CRB1: variants seen among roughly 807,000 people sequenced by gnomAD.
The protein encoded by CRB1 is crumbs cell polarity complex component 1.
In CRB1, 83 loss-of-function variants were observed where a neutral mutation model predicts 120.0. That is an observed-to-expected ratio of 0.69 (90% CI 0.58 to 0.83). The LOEUF (loss-of-function observed/expected upper bound fraction) is 0.83, where lower values mean the gene tolerates loss of function less well. CRB1 is among the 40% of genes least tolerant of loss of function. The pLI, the probability that CRB1 is intolerant of heterozygous loss-of-function variation, is 0.00. For synonymous variants in CRB1, 625 were observed against 612.5 expected (o/e 1.02, Z -0.30); for missense variants, 1,699 against 1,687.6 (o/e 1.01, Z -0.12).
Position 197,332,547 on chromosome 1 carries a change from G to A in CRB1, c.652+3544G>A, listed in dbSNP as rs1188238090. ...TATTATTAGCTGGTTAGGCTTGTTCGGGTAAAAAAAAAAATGCAGTCATAG... is the reference window on the plus strand; with the variant it reads ...TATTATTAGCTGGTTAGGCTTGTTCAGGTAAAAAAAAAAATGCAGTCATAG... On this transcript the variant is annotated intron_variant, in intron 2 of 11. Transcript: ENST00000367400. Among the ~76,000 whole-genome samples the A allele has an allele frequency of 5.9e-5, 9 of 151,800 alleles. No homozygotes were observed. The East Asian group carries it at 1.5e-3, about 26-fold the overall frequency.
intron 4 of CRB1, among the ~76,000 whole-genome samples, chr1:197,354,359 T>C (rs932238969): frequency 6.6e-6 from 1 of 152,220 alleles, no homozygotes; most frequent in East Asian, 1.9e-4. Flanking sequence ...AATTGGTGGG[T>C]TGTTGGTCTG....
chr1:197,263,932 T>C (rs572297318), upstream of CRB1, among the ~76,000 whole-genome samples: 2 of 152,332 alleles, frequency 1.3e-5, no homozygotes, highest in Non-Finnish European at 2.9e-5. Context: ...ATTTTTATCA[T>C]GTCTTGTTCT....
At chr1:197,225,108 C>T in the CRB1 span, among the ~76,000 whole-genome samples, 1 of 152,086 alleles carries the variant, frequency 6.6e-6, no homozygotes, top group African/African-American at 2.4e-5. Context: ...TTCTCCATTT[C>T]ACAGATGAAT....
At chr1:197,466,290 T>G (rs949996298) in intron 11 of CRB1, among the ~76,000 whole-genome samples, 2 of 152,212 alleles carry the variant, frequency 1.3e-5, no homozygotes, top group Non-Finnish European at 2.9e-5. Context: ...TAAATGGGAC[T>G]AGTGATTCAA....
At chr1:197,241,079 C>T in the CRB1 span, among the ~76,000 whole-genome samples, 11 of 152,076 alleles carry the variant, frequency 7.2e-5, no homozygotes, top group African/African-American at 2.7e-4. Context: ...TGTTTAAGCT[C>T]CTTGTAGATT....
chr1:197,373,202 T>TA (rs1229277114), intron 5 of CRB1, among the ~76,000 whole-genome samples: 1 of 152,158 alleles, frequency 6.6e-6, no homozygotes, highest in African/African-American at 2.4e-5. Context: ...TAGGTCACTT[T>TA]AAAAAATATT....
In CRB1 at chr1:197,336,559, A is replaced by G. The variant is rs574444963; in HGVS notation, c.652+7556A>G. The stretch of plus-strand genomic sequence containing the variant: ...CTTGTTCAGGCTTTTGCTCAGAACT[A>G]GAGTCATTTGAAGTAGTTTTTATGA... On this transcript the variant is annotated intron_variant, in intron 2 of 11. Transcript: ENST00000367400. Among the ~76,000 whole-genome samples, 18 of 152,356 alleles carry G rather than the reference A, an allele frequency of 1.2e-4. No individual in the cohort carries two copies. In the East Asian group the frequency reaches 3.3e-3, roughly 28 times the overall value.
intron 11 of CRB1, among the ~76,000 whole-genome samples, chr1:197,450,363 A>G (rs1049280065): frequency 6.6e-6 from 1 of 152,152 alleles, no homozygotes; most frequent in Non-Finnish European, 1.5e-5. Context: ...TTCCGGGGAA[A>G]ACATTGATGA....
intron 2 of CRB1, among the ~76,000 whole-genome samples, chr1:197,342,044 G>T (rs1034907582): frequency 2.0e-5 from 3 of 152,182 alleles, no homozygotes; most frequent in African/African-American, 7.2e-5. Context: ...CATATGACTA[G>T]CATGTAGAAT....
intron 1 of CRB1, among the ~76,000 whole-genome samples, chr1:197,314,528 TAA>T (rs1657732290): frequency 6.6e-6 from 1 of 152,224 alleles, no homozygotes; most frequent in East Asian, 1.9e-4. Context: ...AGGTTAGATC[TAA>T]TAATTTTTAT....
chr1:197,377,406 T>G (rs959335502), intron 5 of CRB1, among the ~76,000 whole-genome samples: 2 of 152,174 alleles, frequency 1.3e-5, no homozygotes, highest in African/African-American at 4.8e-5. Context: ...GAGAGAAATC[T>G]CAGGACTCTC....
At chr1:197,222,485 TG>T in the CRB1 span, 1 of 768,932 alleles carries the variant, frequency 1.3e-6, no homozygotes, top group Non-Finnish European at 2.4e-6. Context: ...CACCAGGCAG[TG>T]TCATTTCATA....
the CRB1 span, among the ~76,000 whole-genome samples, chr1:197,257,968 C>G: frequency 6.6e-6 from 1 of 152,114 alleles, no homozygotes; most frequent in Non-Finnish European, 1.5e-5. Flanking sequence ...TCAGCTGGAC[C>G]CTTTGCTCTG....
In CRB1 at chr1:197,434,868, G is replaced by T; in HGVS notation, c.3005G>T (p.Ser1002Ile). 1 of 1,613,814 alleles carries T rather than the reference G, an allele frequency of 6.2e-7. No individual in the cohort carries two copies. Among genetic ancestry groups the T allele is most frequent in the African/African-American group, 1.3e-5 (1 of 75,010 alleles). The change falls in exon 9 of 12, where the codon AGC (serine) becomes ATC (isoleucine). Residue 1002 changes from serine (S) to isoleucine (I), a missense_variant. Ser to Ile is a moderately radical substitution (Grantham distance 142). Coordinates refer to ENST00000367400, the MANE Select transcript of CRB1 (RefSeq NM_201253.3). The part of the protein sequence containing the change: ...AEKEPEFLNI[S>I]IQDSRLFFQL... ...AAAGAGCCTGAATTTCTTAATATTA[G>T]CATTCAAGATTCCAGATTATTCTTT...
intron 5 of CRB1, among the ~76,000 whole-genome samples, chr1:197,392,843 G>T (rs984922347): frequency 9.2e-5 from 14 of 152,074 alleles, no homozygotes; most frequent in Non-Finnish European, 1.6e-4. Flanking sequence ...AAATGAGAAA[G>T]TGTAACTGAA....
At chr1:197,309,254 C>T (rs976981732) in intron 1 of CRB1, among the ~76,000 whole-genome samples, 1 of 152,050 alleles carries the variant, frequency 6.6e-6, no homozygotes, top group African/African-American at 2.4e-5. Flanking sequence ...GTTCATTAGA[C>T]TACTGTGGTC....
chr1:197,321,475 G>T (rs934915216), intron 1 of CRB1, among the ~76,000 whole-genome samples: 14 of 152,150 alleles, frequency 9.2e-5, no homozygotes, highest in African/African-American at 3.1e-4. Context: ...CTTTGTTCAA[G>T]CATAGTGAGC....
At chr1:197,362,093 C>T (rs1312841475) in intron 5 of CRB1, among the ~76,000 whole-genome samples, 1 of 151,570 alleles carries the variant, frequency 6.6e-6, no homozygotes, top group Non-Finnish European at 1.5e-5. Context: ...CCTTTTTGAC[C>T]TATGGATGAT....
chr1:197,376,245 C>T (rs1057491150), intron 5 of CRB1, among the ~76,000 whole-genome samples: 1 of 152,112 alleles, frequency 6.6e-6, no homozygotes, highest in Non-Finnish European at 1.5e-5. Flanking sequence ...ATGTTTACAA[C>T]ATCTAAATTT....
Sources: allele counts gnomAD v4.1 joint callset (sites outside exome capture counted in the v4.1 genomes callset), GRCh38; gene constraint gnomAD v4.1.1; transcripts MANE v1.5; gene names NCBI Gene and HGNC (gene_info 2026-07-23, HGNC 2026-07-21).